Variants in ADGRG2 observed in about 807,000 individuals in gnomAD.
ADGRG2 encodes G protein-coupled receptor 64.
In ADGRG2, 26 loss-of-function variants were observed where a neutral mutation model predicts 74.1. The ratio of observed to expected loss-of-function variants is 0.35; its 90% CI spans 0.26 to 0.49. The LOEUF is 0.49. ADGRG2 is among the 20% of genes least tolerant of loss of function. The pLI is 0.99. For missense variants in ADGRG2, 619 were observed against 763.1 expected (o/e 0.81, Z 2.22); for synonymous variants, 296 against 295.2 (o/e 1.00, Z -0.03).
At chrX:19,107,910 C>G (rs1356955239) in intron 1 of ADGRG2, among the ~76,000 whole-genome samples, 1 of 105,328 alleles carries the variant, frequency 9.5e-6, no homozygotes, top group African/African-American at 3.5e-5. Flanking sequence ...ACCATCCTGG[C>G]TAACACGGTG....
At chrX:19,116,219 GA>G (rs1033695054) in intron 1 of ADGRG2, among the ~76,000 whole-genome samples, 6 of 99,601 alleles carry the variant, frequency 6.0e-5, no homozygotes, top group African/African-American at 1.9e-4. Context: ...TGTCTCAAGA[GA>G]AAAAAAAAGT....
chrX:19,120,776 C>T (rs1365091792), intron 1 of ADGRG2, among the ~76,000 whole-genome samples: 4 of 112,441 alleles, frequency 3.6e-5, no homozygotes, highest in Non-Finnish European at 7.5e-5. Flanking sequence ...GCCCTGCTAT[C>T]AGATCATGTA....
At chrX:19,026,810 T>A (rs2060713254) in intron 11 of ADGRG2, among the ~76,000 whole-genome samples, 1 of 111,397 alleles carries the variant, frequency 9.0e-6, no homozygotes, top group Non-Finnish European at 1.9e-5. Flanking sequence ...GGCATCTGTT[T>A]GTAATGCATT....
intron 20 of ADGRG2, among the ~76,000 whole-genome samples, chrX:19,006,721 T>G (rs1341905250): frequency 9.1e-6 from 1 of 109,802 alleles, no homozygotes; most frequent in African/African-American, 3.3e-5. Flanking sequence ...AGCTTGCTTT[T>G]GCACCAATTC....
At chrX:19,027,136 A>C (rs2060721848) in intron 11 of ADGRG2, 83 bp downstream of exon 11, 11 of 687,640 alleles carry the variant, frequency 1.6e-5, no homozygotes, top group Admixed American at 2.3e-5. Flanking sequence ...TCCCATTCTC[A>C]GTTTTCAATT....
At chrX:19,006,532 G>C (rs1228181844) in intron 20 of ADGRG2, among the ~76,000 whole-genome samples, 3 of 109,963 alleles carry the variant, frequency 2.7e-5, no homozygotes, top group African/African-American at 9.9e-5. Context: ...GTGGGTCTGG[G>C]TTAGGGCCTG....
chrX:18,990,780 T>G lies in ADGRG2; in HGVS notation c.*84A>C. Reference sequence around the variant, plus strand: ...GTTGCCGAGAATAAAATGAGTTGATTTTCATACATCTCACATTGTGTAAAA... The same window carrying G: ...GTTGCCGAGAATAAAATGAGTTGATGTTCATACATCTCACATTGTGTAAAA... On this transcript the variant is annotated 3_prime_UTR_variant, in exon 29 of 29. Transcript: ENST00000379869. The G allele has an allele frequency of 1.5e-6, 1 of 661,056 alleles. No homozygotes were observed. The highest frequency in any genetic ancestry group is 4.0e-5 in the South Asian group (1 of 24,895). The allele number at this position is 661,056 out of a possible 1,213,427, so 54.5% of individuals were successfully genotyped here. A position where few individuals can be genotyped will look rare whatever the true frequency, so the allele number is the denominator to read the frequency against.
chrX:19,028,782 C>T (rs964250494), intron 9 of ADGRG2, among the ~76,000 whole-genome samples: 4 of 111,947 alleles, frequency 3.6e-5, no homozygotes, highest in African/African-American at 1.3e-4. Context: ...AGCTTGATCT[C>T]GTGAGCAAAC....
At chrX:18,991,337 T>G (rs1289460239) in intron 28 of ADGRG2, among the ~76,000 whole-genome samples, 1 of 111,209 alleles carries the variant, frequency 9.0e-6, no homozygotes, top group Admixed American at 9.6e-5. Context: ...AATATATTAA[T>G]AAAAGGCCCA....
chrX:19,113,599 A>T (rs1445077185), intron 1 of ADGRG2, among the ~76,000 whole-genome samples: 1 of 112,070 alleles, frequency 8.9e-6, no homozygotes, highest in Non-Finnish European at 1.9e-5. Flanking sequence ...TTGCTGCATG[A>T]AATTTATCTT....
intron 15 of ADGRG2, among the ~76,000 whole-genome samples, chrX:19,016,204 C>G (rs1255327754): frequency 2.7e-5 from 3 of 112,438 alleles, no homozygotes; most frequent in African/African-American, 3.2e-5. Flanking sequence ...GTGTACTAAT[C>G]TTAGATTTAG....
chrX:19,080,202 G>A (rs753667001), intron 2 of ADGRG2, among the ~76,000 whole-genome samples: 11 of 109,512 alleles, frequency 1.0e-4, no homozygotes, highest in African/African-American at 2.3e-4. Context: ...GAGCCACCGC[G>A]CCCGGCTGAG....
chrX:19,074,872 C>T (rs757850028), intron 2 of ADGRG2, among the ~76,000 whole-genome samples: 62 of 109,769 alleles, frequency 5.6e-4, no homozygotes, highest in Non-Finnish European at 1.1e-3. Context: ...TGCCCAGCTG[C>T]GCATTTTCTT....
chrX:19,006,753 AT>A (rs35276629), intron 20 of ADGRG2, among the ~76,000 whole-genome samples: 1,961 of 81,789 alleles, frequency 0.024, 24 homozygotes, highest in African/African-American at 0.066. Context: ...TAGGTGGTCA[AT>A]TTTTTTTTTT....
chrX:19,113,331 T>C (rs770598372), intron 1 of ADGRG2, among the ~76,000 whole-genome samples: 1 of 110,907 alleles, frequency 9.0e-6, no homozygotes, highest in Non-Finnish European at 1.9e-5. Flanking sequence ...TGAGCCGAGA[T>C]TGTGCCACCG....
Position 19,097,267 on chromosome X carries a change from T to C in ADGRG2, c.-46-14521A>G, listed in dbSNP as rs530444863. ...TGGCTTACGCCTGTAATCTCAGCAC[T>C]TTGGGAGGCCAAGGCGGGTGGATCA... On this transcript the variant is annotated intron_variant, in intron 1 of 28. Coordinates refer to ENST00000379869, the MANE Select transcript of ADGRG2 (RefSeq NM_001079858.3). Among the ~76,000 whole-genome samples the C allele has an allele frequency of 1.6e-4, 18 of 112,931 alleles. No individual in the cohort carries two copies. The South Asian group carries it at 6.6e-3, about 41-fold the overall frequency.
rs992762096 is a variant in ADGRG2 at position 19,018,999 on chromosome X, T to C, written c.710+600A>G. Among the ~76,000 whole-genome samples, 84 of 111,215 alleles carry C rather than the reference T, an allele frequency of 7.6e-4. 1 individual carries two copies. Among genetic ancestry groups the C allele is most frequent in the African/African-American group, 2.3e-3 (71 of 30,647 alleles). ...CTGGGACTACAGGCGCCCGCCACCA[T>C]GCCCGGCTAATTTTTTTTTGTATTT... On this transcript the variant is annotated intron_variant, in intron 15 of 28. Transcript: ENST00000379869.
At chrX:18,996,718 C>T (rs1397371299) in intron 26 of ADGRG2, among the ~76,000 whole-genome samples, 2 of 110,321 alleles carry the variant, frequency 1.8e-5, no homozygotes, top group Admixed American at 9.8e-5. Flanking sequence ...GCATGGAGAG[C>T]AAGCTGAAGA....
rs200420608 is a variant in ADGRG2, at chrX:19,053,890, GC to G, written c.119-13667del. Among the ~76,000 whole-genome samples, 90 of 111,558 alleles carry G rather than the reference GC, an allele frequency of 8.1e-4. No individual in the cohort carries two copies. In the East Asian group the frequency reaches 0.024, roughly 30 times the overall value. The stretch of plus-strand genomic sequence containing the variant: ...TATATGGCAGCGGGCAAAAGAGAGA[GC>G]CAAGTGAAAGGGGGAAATCTCTTAT... On this transcript the variant is annotated intron_variant, in intron 3 of 28. Coordinates refer to ENST00000379869, the MANE Select transcript of ADGRG2 (RefSeq NM_001079858.3).
Sources: allele counts gnomAD v4.1 joint callset (sites outside exome capture counted in the v4.1 genomes callset), GRCh38; gene constraint gnomAD v4.1.1; transcripts MANE v1.5; gene names NCBI Gene and HGNC (gene_info 2026-07-23, HGNC 2026-07-21).